Variants in CLASP2 observed in about 807,000 individuals in gnomAD.
CLASP2 encodes the protein cytoplasmic linker associated protein 2.
Under a neutral mutation model 194.4 loss-of-function variants are expected in CLASP2, and 47 were observed. That is an observed-to-expected ratio of 0.24 (90% CI 0.19 to 0.31). CLASP2 has a LOEUF of 0.31. Among genes scored for constraint, CLASP2 ranks in the 10% least tolerant of loss-of-function variants. CLASP2 has a pLI of 1.00. For synonymous variants in CLASP2, 619 were observed against 633.5 expected (o/e 0.98, Z 0.34); for missense variants, 1,445 against 1,823.6 (o/e 0.79, Z 3.78).
intron 1 of CLASP2, 28 bp downstream of exon 1, chr3:33,717,780 C>G: frequency 1.9e-6 from 3 of 1,548,200 alleles, no homozygotes; most frequent in Non-Finnish European, 2.6e-6. Flanking sequence ...GAGGGCGTGA[C>G]CAGCCCAGCC....
intron 26 of CLASP2, among the ~76,000 whole-genome samples, chr3:33,568,183 A>G (rs1180456552): frequency 1.3e-5 from 2 of 152,150 alleles, no homozygotes; most frequent in African/African-American, 2.4e-5. Flanking sequence ...ATGGCCTGCA[A>G]GCTATTTCTA....
At chr3:33,509,274 C>G (rs1240695549) in intron 37 of CLASP2, among the ~76,000 whole-genome samples, 1 of 152,130 alleles carries the variant, frequency 6.6e-6, no homozygotes, top group Non-Finnish European at 1.5e-5. Flanking sequence ...CAGCATCTTT[C>G]CTAACTATCT....
intron 18 of CLASP2, 27 bp from the exon 19 acceptor site, chr3:33,596,761 A>G (rs1190248023): frequency 1.3e-6 from 2 of 1,535,792 alleles, no homozygotes; most frequent in African/African-American, 2.7e-5. Context: ...AGCAAAGAAC[A>G]GAGGAAAACT....
At position 33,504,272 on chromosome 3, in the gene CLASP2, G is replaced by C. The variant is rs369269408; in HGVS notation, c.4318-2504C>G. On this transcript the variant is annotated intron_variant, in intron 37 of 38. Coordinates refer to ENST00000682230, the MANE Select transcript of CLASP2 (RefSeq NM_001365631.1). ...CCATAGAGGATGAACTTAAATCTAAGGTCATAAAGATTTATCGCTATGTTT... is the reference window on the plus strand; with the variant it reads ...CCATAGAGGATGAACTTAAATCTAACGTCATAAAGATTTATCGCTATGTTT... The C allele has an allele frequency of 3.3e-5, 5 of 152,216 alleles. No individual in the cohort carries two copies. In the East Asian group the frequency reaches 7.7e-4, roughly 24 times the overall value. The allele number at this position is 152,216 out of a possible 1,614,324, so 9.4% of individuals were successfully genotyped here.
chr3:33,648,104 A>T (rs1365939529), intron 7 of CLASP2, among the ~76,000 whole-genome samples: 2 of 152,152 alleles, frequency 1.3e-5, no homozygotes, highest in Admixed American at 1.3e-4. Context: ...TTAACTGAAA[A>T]GAAGAGATAC....
chr3:33,700,821 G>T (rs2092327098), intron 1 of CLASP2, among the ~76,000 whole-genome samples: 1 of 152,208 alleles, frequency 6.6e-6, no homozygotes, highest in Non-Finnish European at 1.5e-5. Flanking sequence ...TTGCACTCTA[G>T]CCTGGGTGAC....
intron 31 of CLASP2, 60 bp from the exon 32 acceptor site, chr3:33,543,599 CT>C (rs1444532524): frequency 2.0e-6 from 2 of 988,898 alleles, no homozygotes; most frequent in African/African-American, 3.2e-5. Context: ...TAAAAAAACT[CT>C]TAAGGAAGCC....
chr3:33,601,027 C>T (rs984344838), intron 18 of CLASP2, among the ~76,000 whole-genome samples: 5 of 141,124 alleles, frequency 3.5e-5, no homozygotes, highest in Admixed American at 7.9e-5. Context: ...GGCAAGATCT[C>T]GGCTCACTGC....
chr3:33,652,897 C>A (rs370619916), intron 7 of CLASP2, among the ~76,000 whole-genome samples: 3 of 152,312 alleles, frequency 2.0e-5, no homozygotes, highest in South Asian at 2.1e-4. Flanking sequence ...AGTTCTTGTG[C>A]TTAAATCCAC....
At chr3:33,663,954 C>G (rs1292250227) in intron 6 of CLASP2, among the ~76,000 whole-genome samples, 3 of 152,130 alleles carry the variant, frequency 2.0e-5, no homozygotes, top group Admixed American at 6.5e-5. Context: ...AAAGAGATGG[C>G]TAATATCACT....
chr3:33,560,245 T>A (rs1003858994), intron 28 of CLASP2, among the ~76,000 whole-genome samples: 4 of 151,908 alleles, frequency 2.6e-5, no homozygotes, highest in Non-Finnish European at 5.9e-5. Flanking sequence ...ACTTCTTTTT[T>A]TTTTTTCTTT....
At chr3:33,656,090 A>C (rs2084158472) in intron 7 of CLASP2, among the ~76,000 whole-genome samples, 1 of 152,156 alleles carries the variant, frequency 6.6e-6, no homozygotes, top group Non-Finnish European at 1.5e-5. Flanking sequence ...TACTTGATTT[A>C]ATACTCATGG....
chr3:33,594,953 T>C lies in CLASP2; in HGVS notation c.1964A>G (p.Asp655Gly). ...CTAACAAAATGTATAGTTCTTACCATCTTCAGATGCTGTTCCTAAATAAGA... is the reference window on the plus strand; with the variant it reads ...CTAACAAAATGTATAGTTCTTACCACCTTCAGATGCTGTTCCTAAATAAGA... ...SDKLDGTASEDGRVRAKLSAP... is the reference protein window; with the variant it reads ...SDKLDGTASEGGRVRAKLSAP... The change falls in exon 20 of 39, where the codon GAT becomes GGT. Residue 655 changes from aspartate to glycine, a missense_variant and splice_region_variant. Asp to Gly is a moderately conservative substitution (Grantham distance 94). This residue lies in a region of CLASP2 where 174 missense variants were observed against 179.0 expected (regional missense o/e 0.97). Coordinates refer to ENST00000682230, the MANE Select transcript of CLASP2 (RefSeq NM_001365631.1). 7.0e-7 allele frequency: 1 copy of C among 1,422,082 alleles called. No homozygotes were observed. Among genetic ancestry groups the C allele is most frequent in the Non-Finnish European group, 9.4e-7 (1 of 1,064,052 alleles). The allele number at this position is 1,422,082 out of a possible 1,614,324, so 88.1% of individuals were successfully genotyped here. A position where few individuals can be genotyped will look rare whatever the true frequency, so the allele number is the denominator to read the frequency against.
intron 7 of CLASP2, among the ~76,000 whole-genome samples, chr3:33,657,052 TTTACC>T (rs2084367297): frequency 6.6e-6 from 1 of 152,172 alleles, no homozygotes; most frequent in Non-Finnish European, 1.5e-5. Flanking sequence ...GGATTTTTGC[TTTACC>T]TTCATTGTTT....
intron 27 of CLASP2, among the ~76,000 whole-genome samples, chr3:33,566,087 A>G (rs2062692602): frequency 6.6e-6 from 1 of 152,194 alleles, no homozygotes; most frequent in Non-Finnish European, 1.5e-5. Context: ...AGTTATATAT[A>G]AAACATCTTA....
At chr3:33,627,542 C>A (rs2078266173) in intron 9 of CLASP2, among the ~76,000 whole-genome samples, 1 of 152,116 alleles carries the variant, frequency 6.6e-6, no homozygotes, top group Non-Finnish European at 1.5e-5. Context: ...GGAGCCAACC[C>A]TTTGTCAAAC....
chr3:33,537,239 C>T (rs115637109), intron 33 of CLASP2, among the ~76,000 whole-genome samples: 5,588 of 152,196 alleles, frequency 0.037, 114 homozygotes, highest in Non-Finnish European at 0.048. Context: ...TCCTACTAAT[C>T]TGTTATTGCT....
chr3:33,501,299 T>C (rs2046792713), intron 38 of CLASP2, among the ~76,000 whole-genome samples: 2 of 152,192 alleles, frequency 1.3e-5, no homozygotes, highest in African/African-American at 4.8e-5. Flanking sequence ...TTAATATATA[T>C]AACCACAACA....
intron 7 of CLASP2, among the ~76,000 whole-genome samples, chr3:33,649,330 T>A (rs780722842): frequency 1.3e-5 from 2 of 152,220 alleles, no homozygotes; most frequent in Non-Finnish European, 2.9e-5. Context: ...CTTATTTTGC[T>A]TATCTGTGTC....
Sources: gnomAD v4.1 joint callset for allele counts (sites outside exome capture counted in the v4.1 genomes callset) on GRCh38, gnomAD v4.1.1 for gene constraint, gnomAD v4.1.1 regional missense constraint, MANE v1.5 for transcripts, NCBI Gene and HGNC (gene_info 2026-07-23, HGNC 2026-07-21) for gene names.